Variants in PPFIA2 observed in about 807,000 individuals in gnomAD.
The protein encoded by PPFIA2 is PPFI scaffold protein A2.
PPFIA2 carries 46 observed loss-of-function variants against 175.5 expected under a neutral mutation model. The ratio of observed to expected loss-of-function variants is 0.26; its 90% CI spans 0.21 to 0.34. The LOEUF is 0.34. PPFIA2 is among the 10% of genes least tolerant of loss of function. PPFIA2 has a pLI of 1.00. For missense variants in PPFIA2, 1,179 were observed against 1,506.1 expected, an observed-to-expected ratio of 0.78 and a Z score of 3.60; for synonymous variants, 568 against 511.4, an observed-to-expected ratio of 1.11 and a Z score of -1.49.
At chr12:81,585,034 AT>A (rs2075091737) in intron 4 of PPFIA2, among the ~76,000 whole-genome samples, 2 of 78,380 alleles carry the variant, frequency 2.6e-5, no homozygotes, top group African/African-American at 9.3e-5. Flanking sequence ...TATTAATTAT[AT>A]TTATATATAA....
At chr12:81,329,038 A>G (rs959637909) in intron 21 of PPFIA2, among the ~76,000 whole-genome samples, 5 of 151,982 alleles carry the variant, frequency 3.3e-5, no homozygotes, top group Non-Finnish European at 7.4e-5. Context: ...TGCTGGCCTC[A>G]AGGGATCCTT....
At chr12:81,311,970 A>T in intron 22 of PPFIA2, 1 of 586,976 alleles carries the variant, frequency 1.7e-6, no homozygotes, top group Non-Finnish European at 2.9e-6. Context: ...ATAATTAATT[A>T]AAATGTGAAC....
chr12:81,333,361 C>T (rs2056500505), intron 21 of PPFIA2, among the ~76,000 whole-genome samples: 1 of 152,156 alleles, frequency 6.6e-6, no homozygotes, highest in Non-Finnish European at 1.5e-5. Flanking sequence ...CTTGGTAGTT[C>T]AGCAAAGGGA....
At chr12:81,510,365 T>A (rs1222491304) in intron 4 of PPFIA2, among the ~76,000 whole-genome samples, 1 of 152,118 alleles carries the variant, frequency 6.6e-6, no homozygotes, top group Non-Finnish European at 1.5e-5. Context: ...ATTAATCACA[T>A]AGAAACTCAA....
chr12:81,447,820 A>C (rs536383973), intron 5 of PPFIA2, among the ~76,000 whole-genome samples: 169 of 152,238 alleles, frequency 1.1e-3, no homozygotes, highest in Non-Finnish European at 1.9e-3. Flanking sequence ...AAATGAGTTA[A>C]ATTTACATAC....
intron 21 of PPFIA2, among the ~76,000 whole-genome samples, chr12:81,336,797 A>G (rs1352666266): frequency 6.6e-6 from 1 of 152,116 alleles, no homozygotes; most frequent in African/African-American, 2.4e-5. Flanking sequence ...CTGGCATACT[A>G]TTCTATTTTC....
rs2064349200 is a variant in PPFIA2 at position 81,530,439 on chromosome 12, A to G, written c.304-72573T>C. Among the ~76,000 whole-genome samples the G allele has an allele frequency of 2.0e-5, 3 of 152,022 alleles. No homozygotes were observed. The South Asian group carries it at 6.2e-4, about 31-fold the overall frequency. On this transcript the variant is annotated intron_variant, in intron 4 of 32. Transcript: ENST00000549396. The stretch of plus-strand genomic sequence containing the variant: ...AAGAGCCAAAGAAATGCAAGATCCA[A>G]TCTAATGATGTAATAGCCTAGGTCA...
intron 21 of PPFIA2, among the ~76,000 whole-genome samples, chr12:81,327,447 T>C (rs1479360316): frequency 1.3e-5 from 2 of 152,128 alleles, no homozygotes; most frequent in African/African-American, 4.8e-5. Flanking sequence ...TCATTTTATT[T>C]CTCTCATCTG....
At chr12:81,758,930 G>C (rs1356482396) in intron 1 of PPFIA2, among the ~76,000 whole-genome samples, 1 of 152,050 alleles carries the variant, frequency 6.6e-6, no homozygotes. Context: ...AAAGGCGTGA[G>C]AAGTATCTGG....
At chr12:81,399,040 C>T (rs2041676371) in intron 8 of PPFIA2, among the ~76,000 whole-genome samples, 1 of 151,618 alleles carries the variant, frequency 6.6e-6, no homozygotes, top group Non-Finnish European at 1.5e-5. Flanking sequence ...TAAATTCTAC[C>T]AAAGTGAAAA....
intron 4 of PPFIA2, among the ~76,000 whole-genome samples, chr12:81,535,894 A>AG (rs571509938): frequency 1.7e-4 from 26 of 151,902 alleles, no homozygotes; most frequent in Non-Finnish European, 2.7e-4. Flanking sequence ...GTATATATCT[A>AG]CCTTTTCTAA....
intron 3 of PPFIA2, among the ~76,000 whole-genome samples, chr12:81,704,893 G>C (rs559655802): frequency 2.6e-5 from 4 of 151,028 alleles, no homozygotes; most frequent in East Asian, 2.0e-4. Context: ...AGACCAGCCT[G>C]ACCAACATGG....
intron 20 of PPFIA2, among the ~76,000 whole-genome samples, chr12:81,340,554 G>C (rs367883252): frequency 1.3e-5 from 2 of 151,986 alleles, no homozygotes; most frequent in East Asian, 3.9e-4. Flanking sequence ...TCTCCATCTA[G>C]ACTTATCTTT....
At chr12:81,566,716 C>G (rs1391955712) in intron 4 of PPFIA2, among the ~76,000 whole-genome samples, 1 of 152,168 alleles carries the variant, frequency 6.6e-6, no homozygotes, top group African/African-American at 2.4e-5. Context: ...ACACTCATTG[C>G]AATGGATTCC....
intron 8 of PPFIA2, among the ~76,000 whole-genome samples, chr12:81,397,310 A>G (rs1283175408): frequency 6.6e-6 from 1 of 152,032 alleles, no homozygotes; most frequent in Admixed American, 6.6e-5. Context: ...GCCAAGACAG[A>G]CTTATCATCT....
At position 81,263,334 on chromosome 12, in the gene PPFIA2, A is replaced by G. The variant is rs764889822; in HGVS notation, c.3612T>C (p.Arg1204=). 9 of 1,612,862 alleles carry G rather than the reference A, an allele frequency of 5.6e-6. No individual in the cohort carries two copies. The highest frequency in any genetic ancestry group is 5.1e-6 in the Non-Finnish European group (6 of 1,179,008). The part of the protein sequence containing the change: ...GSTWRRQFPP[R]EVHGISMMPG... ...GCATCATGCTGATTCCATGTACTTC[A>G]CGAGGAGGAAACTGCCTTCTCCAGG... Residue 1204 remains arginine, a synonymous_variant, in exon 31 of 33, where the codon CGT becomes CGC. Transcript: ENST00000549396.
In PPFIA2 at chr12:81,259,551, TAA is replaced by T; in HGVS notation, c.*141_*142del. The T allele has an allele frequency of 7.5e-7, 1 of 1,340,320 alleles. No homozygotes were observed. Among genetic ancestry groups the T allele is most frequent in the Non-Finnish European group, 1.0e-6 (1 of 978,958 alleles). 83.0% of individuals were successfully genotyped at this position (1,340,320 alleles called of 1,614,324 possible). ...AAAAATCACATTTTTCAGCTTTTAA[TAA>T]GTCATGACGTCATTATTTCCTTAGA... On this transcript the variant is annotated 3_prime_UTR_variant, in exon 33 of 33. Transcript: ENST00000549396.
chr12:81,278,093 G>C (rs2041020685), intron 27 of PPFIA2, among the ~76,000 whole-genome samples: 1 of 152,108 alleles, frequency 6.6e-6, no homozygotes, highest in Non-Finnish European at 1.5e-5. Context: ...ACACATTCCA[G>C]GGCTGAAAAC....
intron 7 of PPFIA2, among the ~76,000 whole-genome samples, chr12:81,421,906 T>C (rs983567557): frequency 2.6e-5 from 4 of 151,910 alleles, no homozygotes; most frequent in African/African-American, 9.7e-5. Flanking sequence ...GGGGTAGTTA[T>C]GCTTATATCA....
Sources: allele counts gnomAD v4.1 joint callset (sites outside exome capture counted in the v4.1 genomes callset), GRCh38; gene constraint gnomAD v4.1.1; transcripts MANE v1.5; gene names NCBI Gene and HGNC (gene_info 2026-07-23, HGNC 2026-07-21).